Variants in PITPNB observed in about 807,000 individuals in gnomAD.
PITPNB encodes phosphatidylinositol transfer protein beta, also known as phosphatidylinositol transfer protein beta isoform.
PITPNB carries 16 observed loss-of-function variants against 45.9 expected under a neutral mutation model. That is an observed-to-expected ratio of 0.35 (90% confidence interval 0.24 to 0.53). The LOEUF (loss-of-function observed/expected upper bound fraction) is 0.53. Ranked by LOEUF, PITPNB falls within the 20% of genes least tolerant of loss-of-function variation. PITPNB has a pLI of 0.93. For missense variants in PITPNB, 188 were observed against 330.5 expected (o/e 0.57, Z 3.34); for synonymous variants, 112 against 108.9 (o/e 1.03, Z -0.18).
chr22:27,876,039 G>A (rs904844538), intron 7 of PITPNB, among the ~76,000 whole-genome samples: 8 of 152,168 alleles, frequency 5.3e-5, no homozygotes, highest in African/African-American at 1.9e-4. Flanking sequence ...AATCATAGAA[G>A]TAAAGTGAAC....
intron 7 of PITPNB, among the ~76,000 whole-genome samples, chr22:27,883,017 G>C (rs1935018619): frequency 6.6e-6 from 1 of 152,192 alleles, no homozygotes. Flanking sequence ...ACACATCTTT[G>C]GGTGTCCAAT....
chr22:27,886,976 G>A (rs1051792688), intron 7 of PITPNB, among the ~76,000 whole-genome samples: 2 of 152,074 alleles, frequency 1.3e-5, no homozygotes, highest in African/African-American at 4.8e-5. Context: ...AAAATCTCCA[G>A]GAGTCAAGGT....
At chr22:27,897,653 C>G (rs1935474096) in intron 4 of PITPNB, 148 bp downstream of exon 4, 1 of 638,242 alleles carries the variant, frequency 1.6e-6, no homozygotes, top group South Asian at 1.9e-5. Flanking sequence ...CCCAATGCAG[C>G]CCTTCCTCTG....
At chr22:27,919,038 G>GAGGGAGGGGGCGCCCGC in intron 1 of PITPNB, 134 bp downstream of exon 1, 1 of 1,351,656 alleles carries the variant, frequency 7.4e-7, no homozygotes, top group South Asian at 1.2e-5. Context: ...GGGGCCGGGG[G>GAGGGAGGGGGCGCCCGC]AGGGAGGGGG....
intron 1 of PITPNB, among the ~76,000 whole-genome samples, chr22:27,915,461 G>C (rs1199613707): frequency 6.6e-6 from 1 of 151,818 alleles, no homozygotes; most frequent in African/African-American, 2.4e-5. Flanking sequence ...ATTATATCTA[G>C]TTTGCATTCC....
At chr22:27,893,371 G>A (rs770971117) in intron 7 of PITPNB, among the ~76,000 whole-genome samples, 5 of 148,080 alleles carry the variant, frequency 3.4e-5, no homozygotes, top group Non-Finnish European at 7.4e-5. Flanking sequence ...TGCAAGCTCC[G>A]CCTCCCGGGC....
At chr22:27,906,809 G>C (rs1253551116) in intron 3 of PITPNB, among the ~76,000 whole-genome samples, 1 of 152,176 alleles carries the variant, frequency 6.6e-6, no homozygotes, top group Non-Finnish European at 1.5e-5. Context: ...TATCACCTGA[G>C]ATTCAAGGAA....
At chr22:27,883,572 G>A (rs2146381289) in intron 7 of PITPNB, among the ~76,000 whole-genome samples, 1 of 152,356 alleles carries the variant, frequency 6.6e-6, no homozygotes, top group East Asian at 1.9e-4. Context: ...AACAGGGAAG[G>A]GGCAACAAAT....
intron 8 of PITPNB, among the ~76,000 whole-genome samples, chr22:27,873,130 G>A (rs968956247): frequency 6.6e-6 from 1 of 152,150 alleles, no homozygotes; most frequent in Non-Finnish European, 1.5e-5. Context: ...AGCCAGGCAT[G>A]GTGGCGCATG....
intron 3 of PITPNB, among the ~76,000 whole-genome samples, chr22:27,907,033 G>C (rs1415005261): frequency 6.6e-6 from 1 of 152,192 alleles, no homozygotes; most frequent in Non-Finnish European, 1.5e-5. Flanking sequence ...TATCTCAAAA[G>C]TAAAATAAGG....
chr22:27,868,765 T>G (rs994399419), intron 8 of PITPNB, among the ~76,000 whole-genome samples: 2 of 152,180 alleles, frequency 1.3e-5, no homozygotes, highest in Non-Finnish European at 2.9e-5. Flanking sequence ...CCTGATCCCC[T>G]TATATATTCC....
At chr22:27,855,524 T>C (rs114960948) in intron 10 of PITPNB, among the ~76,000 whole-genome samples, 7,329 of 152,242 alleles carry the variant, frequency 0.048, 288 homozygotes, top group South Asian at 0.11. Context: ...TCCAGACAAG[T>C]GACACCACTC....
At chr22:27,908,467 G>A (rs888186362) in intron 3 of PITPNB, among the ~76,000 whole-genome samples, 2 of 151,336 alleles carry the variant, frequency 1.3e-5, no homozygotes, top group Non-Finnish European at 2.9e-5. Flanking sequence ...TTCAACCAGA[G>A]GACATTTTGA....
chr22:27,889,532 C>G (rs572621732), intron 7 of PITPNB, among the ~76,000 whole-genome samples: 9 of 152,294 alleles, frequency 5.9e-5, no homozygotes, highest in African/African-American at 1.9e-4. Context: ...GACTGTTCCA[C>G]TCATCAAAAC....
In PITPNB at chr22:27,894,598, A is replaced by G. The variant is rs1405015534; in HGVS notation, c.413T>C (p.Ile138Thr). 6.2e-7 allele frequency: 1 copy of G among 1,606,790 alleles called. No homozygotes were observed. Among genetic ancestry groups the G allele is most frequent in the Admixed American group, 1.7e-5 (1 of 60,018 alleles). Reference sequence around the variant, plus strand: ...TCTATCTGCAATATCTATATGGACAATTTCAACAGTTTTCCATGTGTTTGG... The same window carrying G: ...TCTATCTGCAATATCTATATGGACAGTTTCAACAGTTTTCCATGTGTTTGG... ...LDPNTWKTVE[I>T]VHIDIADRSQ... The change falls in exon 7 of 12, where the codon ATT (isoleucine) becomes ACT (threonine). Residue 138 changes from isoleucine to threonine, a missense_variant. By Grantham distance (89) the Ile-to-Thr change is moderately conservative. Transcript: ENST00000335272.
At chr22:27,886,558 G>A (rs1000482145) in intron 7 of PITPNB, among the ~76,000 whole-genome samples, 7 of 152,138 alleles carry the variant, frequency 4.6e-5, no homozygotes, top group Admixed American at 1.3e-4. Context: ...TTCTCTGCAT[G>A]GTGAAGTATA....
At chr22:27,874,543 G>A (rs1934762484) in intron 7 of PITPNB, among the ~76,000 whole-genome samples, 3 of 152,028 alleles carry the variant, frequency 2.0e-5, no homozygotes, top group Admixed American at 2.0e-4. Context: ...GTTTCCCTTA[G>A]TATATCTTTT....
intron 1 of PITPNB, among the ~76,000 whole-genome samples, chr22:27,917,568 TTTAA>T (rs773272853): frequency 5.3e-5 from 8 of 152,328 alleles, no homozygotes; most frequent in African/African-American, 9.6e-5. Context: ...ATAAATAAGC[TTTAA>T]TTGAGAATTT....
chr22:27,912,532 A>C (rs1486416867), intron 2 of PITPNB, among the ~76,000 whole-genome samples: 1 of 152,192 alleles, frequency 6.6e-6, no homozygotes, highest in Non-Finnish European at 1.5e-5. Context: ...GGTCAGGAAC[A>C]CACAATAACA....
Sources: gnomAD v4.1 joint callset for allele counts (sites outside exome capture counted in the v4.1 genomes callset) on GRCh38, gnomAD v4.1.1 for gene constraint, MANE v1.5 for transcripts, NCBI Gene and HGNC (gene_info 2026-07-23, HGNC 2026-07-21) for gene names.